The following ARID1B variants were observed in gnomAD, a reference collection of about 807,000 sequenced individuals.
The protein encoded by ARID1B is AT-rich interaction domain 1B.
ARID1B carries 30 observed loss-of-function variants against 212.3 expected under a neutral mutation model. The observed-to-expected ratio is 0.14, with a 90% CI of 0.11 to 0.19. The LOEUF is 0.19. Among genes scored for constraint, ARID1B ranks in the 10% least tolerant of loss-of-function variants. ARID1B has a pLI of 1.00. For missense variants in ARID1B, 2,891 were observed against 3,204.0 expected (o/e 0.90, Z 2.36); for synonymous variants, 1,402 against 1,301.7 (o/e 1.08, Z -1.66).
intron 5 of ARID1B, among the ~76,000 whole-genome samples, chr6:157,101,640 CTT>C (rs112437534): frequency 1.4e-5 from 2 of 145,876 alleles, no homozygotes; most frequent in Admixed American, 6.8e-5. Context: ...AGTGAGTACT[CTT>C]TTTTTTTTTT....
At chr6:157,039,759 A>ACCTTCCTACCTACCTACCTT (rs1583197584) in intron 4 of ARID1B, among the ~76,000 whole-genome samples, 1 of 64,288 alleles carries the variant, frequency 1.6e-5, no homozygotes, top group East Asian at 4.5e-4. Flanking sequence ...CTTCCTTCCT[A>ACCTTCCTACCTACCTACCTT]CCTTCCTACC....
rs1029295303 is a variant in ARID1B, at chr6:157,203,756, T to A, written c.5264-110T>A. 1.5e-6 allele frequency: 2 copies of A among 1,339,744 alleles called. No individual in the cohort carries two copies. Among genetic ancestry groups the A allele is most frequent in the Non-Finnish European group, 2.1e-6 (2 of 952,684 alleles). The allele number at this position is 1,339,744 out of a possible 1,614,324, so 83.0% of individuals were successfully genotyped here. A position where few individuals can be genotyped will look rare whatever the true frequency, so the allele number is the denominator to read the frequency against. On this transcript the variant is annotated intron_variant, in intron 18 of 19. Coordinates refer to ENST00000636930, the MANE Select transcript of ARID1B (RefSeq NM_001374828.1). This position sits in a 1 kb window ranked among gnomAD's most constrained non-coding sequence, Gnocchi z 4.4. ...TGTCCTTGAGAGCATTTGTTTAAAG[T>A]CAATATTTAACTTAACACTCCACTT...
intron 8 of ARID1B, among the ~76,000 whole-genome samples, chr6:157,154,740 G>A (rs947588294): frequency 6.6e-6 from 1 of 151,872 alleles, no homozygotes; most frequent in African/African-American, 2.4e-5. Context: ...CACCATGCCT[G>A]GCTAATTTTT....
intron 1 of ARID1B, chr6:156,779,696 CCGGGT>C (rs1333776745): frequency 1.9e-5 from 4 of 207,680 alleles, no homozygotes; most frequent in African/African-American, 9.5e-5. Context: ...CCGGGCCGGG[CCGGGT>C]GGCTTCTACC....
intron 4 of ARID1B, among the ~76,000 whole-genome samples, chr6:157,017,240 A>G (rs759559599): frequency 6.6e-6 from 1 of 152,094 alleles, no homozygotes; most frequent in Non-Finnish European, 1.5e-5. Flanking sequence ...CAGTGTAGAA[A>G]CCTCTGGTAA....
intron 2 of ARID1B, among the ~76,000 whole-genome samples, chr6:156,832,079 A>G (rs1280779888): frequency 1.3e-5 from 2 of 152,252 alleles, no homozygotes; most frequent in Non-Finnish European, 2.9e-5. Context: ...AACATTTTAA[A>G]GAAGACATAC....
intron 4 of ARID1B, among the ~76,000 whole-genome samples, chr6:156,994,587 A>G (rs1778475816): frequency 6.6e-6 from 1 of 152,052 alleles, no homozygotes; most frequent in Admixed American, 6.5e-5. Context: ...AAAAAAAAAA[A>G]GCAAAACTAT....
chr6:157,123,325 A>C (rs988634721), intron 6 of ARID1B, among the ~76,000 whole-genome samples: 5 of 147,694 alleles, frequency 3.4e-5, no homozygotes, highest in Non-Finnish European at 7.4e-5. Flanking sequence ...GCCCAGAGCT[A>C]ATCAGTACTA....
intron 3 of ARID1B, among the ~76,000 whole-genome samples, chr6:156,913,140 T>TG (rs1790037821): frequency 2.0e-5 from 3 of 152,002 alleles, no homozygotes; most frequent in African/African-American, 7.2e-5. Context: ...ATCTAGCTAA[T>TG]TAACATATAC....
At chr6:156,821,062 T>G (rs1224856418) in intron 1 of ARID1B, among the ~76,000 whole-genome samples, 2 of 152,224 alleles carry the variant, frequency 1.3e-5, no homozygotes, top group Admixed American at 1.3e-4. Context: ...ATGGTTGATG[T>G]CAAGCTAGAA....
chr6:157,205,880 A>T, intron 19 of ARID1B: 1 of 385,428 alleles, frequency 2.6e-6, no homozygotes, highest in Non-Finnish European at 4.8e-6. Context: ...CAGTGATAAG[A>T]TTAGAGATAT....
chr6:157,189,966 C>T, intron 14 of ARID1B, 72 bp from the exon 15 acceptor site: 1 of 1,587,692 alleles, frequency 6.3e-7, no homozygotes, highest in Middle Eastern at 1.7e-4. Flanking sequence ...AAGATGGGTT[C>T]ATCTTCTGAA....
At chr6:157,123,523 C>A (rs2128556925) in intron 6 of ARID1B, among the ~76,000 whole-genome samples, 1 of 152,340 alleles carries the variant, frequency 6.6e-6, no homozygotes, top group East Asian at 1.9e-4. Flanking sequence ...CAGGCAGGCC[C>A]AGCCTGGAGC....
intron 2 of ARID1B, among the ~76,000 whole-genome samples, chr6:156,863,875 T>C (rs1366633540): frequency 6.6e-6 from 1 of 152,128 alleles, no homozygotes; most frequent in Admixed American, 6.5e-5. Context: ...CTTGGCAAAA[T>C]CCATGTGCAA....
intron 2 of ARID1B, among the ~76,000 whole-genome samples, chr6:156,864,763 C>CAA (rs1234399184): frequency 6.6e-6 from 1 of 152,174 alleles, no homozygotes. Flanking sequence ...GCCCTCACCA[C>CAA]AAGCATGACC....
At chr6:157,150,890 G>A (rs1790150718) in intron 8 of ARID1B, 1 of 177,098 alleles carries the variant, frequency 5.6e-6, no homozygotes, top group African/African-American at 2.4e-5. Flanking sequence ...TGCGGGACCT[G>A]GGCGTTTTCT....
intron 4 of ARID1B, among the ~76,000 whole-genome samples, chr6:157,052,673 C>G (rs774254545): frequency 6.6e-6 from 1 of 152,214 alleles, no homozygotes; most frequent in Non-Finnish European, 1.5e-5. Context: ...AAAGATTGGA[C>G]AAACATAGCA....
chr6:157,186,621 T>A, intron 13 of ARID1B: 1 of 447,670 alleles, frequency 2.2e-6, no homozygotes, highest in Non-Finnish European at 4.7e-6. Context: ...TTCCCAACTA[T>A]TGGCCATGTT....
chr6:157,079,478 C>T (rs982462266), intron 4 of ARID1B, among the ~76,000 whole-genome samples: 3 of 152,226 alleles, frequency 2.0e-5, no homozygotes, highest in South Asian at 4.1e-4. Flanking sequence ...ATTCATATCA[C>T]GTGACCAAAA....
Sources: allele counts gnomAD v4.1 joint callset (sites outside exome capture counted in the v4.1 genomes callset), GRCh38; gene constraint gnomAD v4.1.1; non-coding constraint Gnocchi (gnomAD v3.1); transcripts MANE v1.5; gene names NCBI Gene and HGNC (gene_info 2026-07-23, HGNC 2026-07-21).